The following LHFPL3 variants were observed in gnomAD, a reference collection of about 807,000 sequenced individuals.
LHFPL3 encodes the protein LHFPL tetraspan subfamily member 3, also known as LHFPL tetraspan subfamily member 3 protein.
In LHFPL3, 5 loss-of-function variants were observed where a neutral mutation model predicts 19.3. That is an observed-to-expected ratio of 0.26 (90% CI 0.14 to 0.54). The LOEUF (loss-of-function observed/expected upper bound fraction) is 0.54, where lower values mean the gene tolerates loss of function less well. Among genes scored for constraint, LHFPL3 ranks in the 20% least tolerant of loss-of-function variants. The pLI is 0.94. For missense variants in LHFPL3, 249 were observed against 307.4 expected (o/e 0.81, Z 1.42); for synonymous variants, 133 against 126.2 (o/e 1.05, Z -0.36).
intron 1 of LHFPL3, among the ~76,000 whole-genome samples, chr7:104,461,891 T>C (rs1202361201): frequency 6.6e-6 from 1 of 152,256 alleles, no homozygotes; most frequent in African/African-American, 2.4e-5. Flanking sequence ...GAGCATGGAA[T>C]GTTTTTTCCA....
At chr7:104,400,253 C>T (rs573928740) in intron 1 of LHFPL3, among the ~76,000 whole-genome samples, 117 of 148,978 alleles carry the variant, frequency 7.9e-4, no homozygotes, top group Non-Finnish European at 1.1e-3. Context: ...AGAAAGAATG[C>T]ATTCTCTTTT....
chr7:104,496,117 C>G (rs559931712), intron 1 of LHFPL3, among the ~76,000 whole-genome samples: 1 of 152,292 alleles, frequency 6.6e-6, no homozygotes, highest in South Asian at 2.1e-4. Flanking sequence ...TATCCCTCCT[C>G]CTTCCCCCCA....
At chr7:104,702,291 A>T (rs1020481598) in intron 1 of LHFPL3, among the ~76,000 whole-genome samples, 1 of 152,208 alleles carries the variant, frequency 6.6e-6, no homozygotes, top group Non-Finnish European at 1.5e-5. Flanking sequence ...CAGGAAAAAC[A>T]CATACGAGTG....
intron 1 of LHFPL3, among the ~76,000 whole-genome samples, chr7:104,419,346 A>G (rs927072719): frequency 2.0e-5 from 3 of 152,196 alleles, no homozygotes; most frequent in Non-Finnish European, 4.4e-5. Flanking sequence ...GGAAAGAGAG[A>G]TAATAGAATC....
intron 2 of LHFPL3, among the ~76,000 whole-genome samples, chr7:104,865,937 A>C (rs969070650): frequency 6.6e-6 from 1 of 152,238 alleles, no homozygotes; most frequent in African/African-American, 2.4e-5. Context: ...TCTTAAAGAA[A>C]AGAATTTTCA....
intron 1 of LHFPL3, among the ~76,000 whole-genome samples, chr7:104,601,269 T>C (rs1435784972): frequency 6.6e-6 from 1 of 152,174 alleles, no homozygotes; most frequent in Non-Finnish European, 1.5e-5. Context: ...AAATTAGCAC[T>C]CTTCCCCTCT....
intron 1 of LHFPL3, among the ~76,000 whole-genome samples, chr7:104,489,710 G>A (rs1029980996): frequency 1.3e-5 from 2 of 151,966 alleles, no homozygotes; most frequent in Non-Finnish European, 2.9e-5. Context: ...AAAGTGTGAG[G>A]ACAGGGAACT....
intron 2 of LHFPL3, chr7:104,845,487 T>C (rs1791296639): frequency 2.6e-6 from 4 of 1,515,858 alleles, no homozygotes; most frequent in African/African-American, 1.4e-5. Context: ...CTGCCTTCTG[T>C]TCCCGCATGT....
At chr7:104,821,293 G>C (rs1192594978) in intron 2 of LHFPL3, among the ~76,000 whole-genome samples, 1 of 152,142 alleles carries the variant, frequency 6.6e-6, no homozygotes. Context: ...CCAAGCAAAG[G>C]GTTCCCTGCT....
chr7:104,751,271 T>C (rs1317058400), intron 2 of LHFPL3, among the ~76,000 whole-genome samples: 2 of 148,146 alleles, frequency 1.4e-5, no homozygotes, highest in Non-Finnish European at 1.5e-5. Context: ...CTTACAGGCT[T>C]TTTCATCGGC....
At chr7:104,843,333 C>T (rs1355584077) in intron 2 of LHFPL3, among the ~76,000 whole-genome samples, 2 of 152,212 alleles carry the variant, frequency 1.3e-5, no homozygotes, top group Non-Finnish European at 2.9e-5. Context: ...CACACTTCCA[C>T]CTCCGTGGTG....
At chr7:104,658,419 T>G (rs1369147343) in intron 1 of LHFPL3, among the ~76,000 whole-genome samples, 2 of 152,208 alleles carry the variant, frequency 1.3e-5, no homozygotes, top group Non-Finnish European at 2.9e-5. Flanking sequence ...AGCAAATCTG[T>G]GAAATCAGTT....
intron 1 of LHFPL3, among the ~76,000 whole-genome samples, chr7:104,665,755 A>C (rs995300297): frequency 6.6e-6 from 1 of 152,222 alleles, no homozygotes; most frequent in Non-Finnish European, 1.5e-5. Flanking sequence ...TCTCTAATGG[A>C]CTTGTAGATG....
intron 1 of LHFPL3, among the ~76,000 whole-genome samples, chr7:104,330,047 T>C (rs2116340733): frequency 6.6e-6 from 1 of 152,348 alleles, no homozygotes; most frequent in Non-Finnish European, 1.5e-5. Context: ...TGATAAATTG[T>C]TGCTAGCTGG....
chr7:104,877,395 G>A (rs145016327), intron 2 of LHFPL3, among the ~76,000 whole-genome samples: 85 of 152,238 alleles, frequency 5.6e-4, no homozygotes, highest in African/African-American at 1.8e-3. Context: ...TATGTAAACA[G>A]CTTTTAAAAC....
intron 1 of LHFPL3, among the ~76,000 whole-genome samples, chr7:104,364,519 C>A: frequency 6.6e-6 from 1 of 152,144 alleles, no homozygotes; most frequent in Non-Finnish European, 1.5e-5. Context: ...TCCAAAGAAC[C>A]CAGATCTTCT....
chr7:104,687,752 T>C (rs1792833130), intron 1 of LHFPL3, among the ~76,000 whole-genome samples: 1 of 152,218 alleles, frequency 6.6e-6, no homozygotes, highest in African/African-American at 2.4e-5. Context: ...GGCACCAGTA[T>C]TGATAGGAAA....
chr7:104,447,507 G>A (rs10279103), intron 1 of LHFPL3, among the ~76,000 whole-genome samples: 27,508 of 151,992 alleles, frequency 0.18, 2,500 homozygotes, highest in African/African-American at 0.21. Flanking sequence ...AGTCAAAAAG[G>A]CAGTCAGTTT....
chr7:104,593,106 C>G (rs1790761612), intron 1 of LHFPL3, among the ~76,000 whole-genome samples: 1 of 152,092 alleles, frequency 6.6e-6, no homozygotes. Flanking sequence ...GCTCTTGCTT[C>G]TCTAGTTGTT....
Sources: gnomAD v4.1 joint callset for allele counts (sites outside exome capture counted in the v4.1 genomes callset) on GRCh38, gnomAD v4.1.1 for gene constraint, MANE v1.5 for transcripts, NCBI Gene and HGNC (gene_info 2026-07-23, HGNC 2026-07-21) for gene names.